The following RTN4RL2 variants were observed in gnomAD, a reference collection of about 807,000 sequenced individuals.
The protein encoded by RTN4RL2 is reticulon-4 receptor-like 2.
In RTN4RL2, 9 loss-of-function variants were observed where a neutral mutation model predicts 27.8. The ratio of observed to expected loss-of-function variants is 0.32; its 90% CI spans 0.20 to 0.57. RTN4RL2 has a LOEUF of 0.57. RTN4RL2 is among the 20% of genes least tolerant of loss of function. The probability of loss-of-function intolerance (pLI) is 0.90; values close to 1 mark genes in which losing one functional copy is unlikely to be tolerated. For synonymous variants in RTN4RL2, 285 were observed against 297.9 expected (o/e 0.96, Z 0.45); for missense variants, 436 against 596.8 (o/e 0.73, Z 2.81).
chr11:57,476,967 G>C lies in RTN4RL2; in HGVS notation c.*56G>C. The C allele has an allele frequency of 6.7e-7, 1 of 1,486,270 alleles. No homozygotes were observed. Among genetic ancestry groups the C allele is most frequent in the Admixed American group, 2.2e-5 (1 of 45,216 alleles). 92.1% of individuals were successfully genotyped at this position (1,486,270 alleles called of 1,614,324 possible). A position where few individuals can be genotyped will look rare whatever the true frequency, so the allele number is the denominator to read the frequency against. ...CCGATCCCCGCTTCCCGTCCACCCG[G>C]GGCTGCGGCTCCGGCCCCAGTCGCC... is the stretch of plus-strand genomic sequence containing the variant. On this transcript the variant is annotated 3_prime_UTR_variant, in exon 3 of 3. Transcript: ENST00000335099. This position sits in a 1 kb window ranked among gnomAD's most constrained non-coding sequence, Gnocchi z 8.2.
At chr11:57,468,166 G>GGCGT in intron 2 of RTN4RL2, 76 bp downstream of exon 2, 1 of 1,473,380 alleles carries the variant, frequency 6.8e-7, no homozygotes, top group Admixed American at 2.1e-5. Context: ...CCCCGACCCT[G>GGCGT]GCGTGCGTCC....
chr11:57,462,590 A>G (rs1161081099), intron 1 of RTN4RL2, among the ~76,000 whole-genome samples: 2 of 152,102 alleles, frequency 1.3e-5, no homozygotes, highest in Non-Finnish European at 2.9e-5. Flanking sequence ...TCTTCTCCTC[A>G]AGTTCCTTCT....
At position 57,476,257 on chromosome 11, in the gene RTN4RL2, C is replaced by T; in HGVS notation, c.609C>T (p.Gly203=). 6.2e-7 allele frequency: 1 copy of T among 1,612,554 alleles called. No individual in the cohort carries two copies. Among genetic ancestry groups the T allele is most frequent in the Non-Finnish European group, 8.5e-7 (1 of 1,179,568 alleles). The part of the protein sequence containing the change: ...LLTEHVFRGL[G]SLDRLLLHGN... ...CAGAGCACGTGTTTCGCGGCCTGGG[C>T]AGCCTGGACCGGCTGCTGCTGCACG... Residue 203 remains glycine, a synonymous_variant, in exon 3 of 3, where the codon GGC becomes GGT. Transcript: ENST00000335099. This position sits in a 1 kb window ranked among gnomAD's most constrained non-coding sequence, Gnocchi z 8.2.
At chr11:57,474,569 T>A (rs1374864834) in intron 2 of RTN4RL2, among the ~76,000 whole-genome samples, 2 of 152,180 alleles carry the variant, frequency 1.3e-5, no homozygotes, top group African/African-American at 4.8e-5. Flanking sequence ...TCCTGGAACC[T>A]GCTGACCACA....
At position 57,476,921 on chromosome 11, in the gene RTN4RL2, T is replaced by C. The variant is rs767018509; in HGVS notation, c.*10T>C. 6.4e-7 allele frequency: 1 copy of C among 1,555,902 alleles called. No individual in the cohort carries two copies. The highest frequency in any genetic ancestry group is 1.1e-5 in the South Asian group (1 of 87,606). Reference sequence around the variant, plus strand: ...GCCCCACCACCTCTGACTGCGGTGCTGAGATCGAAGAGGCCAGTGTCCGAT... The same window carrying C: ...GCCCCACCACCTCTGACTGCGGTGCCGAGATCGAAGAGGCCAGTGTCCGAT... On this transcript the variant is annotated 3_prime_UTR_variant, in exon 3 of 3. Transcript: ENST00000335099. The surrounding 1 kb of genome is among the most constrained non-coding windows in gnomAD (Gnocchi z 8.2).
At chr11:57,469,142 C>T (rs1458625938) in intron 2 of RTN4RL2, among the ~76,000 whole-genome samples, 1 of 152,126 alleles carries the variant, frequency 6.6e-6, no homozygotes. Context: ...GCTGATGATG[C>T]TAATGATAAT....
chr11:57,469,753 TCA>T (rs980791124), intron 2 of RTN4RL2, among the ~76,000 whole-genome samples: 2 of 152,182 alleles, frequency 1.3e-5, no homozygotes, highest in African/African-American at 4.8e-5. Flanking sequence ...AAATTGCACC[TCA>T]CAGTTTATGA....
At chr11:57,465,459 G>A (rs1943515465) in intron 1 of RTN4RL2, among the ~76,000 whole-genome samples, 2 of 152,310 alleles carry the variant, frequency 1.3e-5, no homozygotes, top group South Asian at 2.1e-4. Context: ...GGATGTCAGA[G>A]TGCAGAAACA....
intron 2 of RTN4RL2, among the ~76,000 whole-genome samples, chr11:57,471,888 T>C (rs1443349947): frequency 6.6e-6 from 1 of 152,128 alleles, no homozygotes; most frequent in African/African-American, 2.4e-5. Context: ...AGACGAAGTC[T>C]CGCTCTCTTG....
chr11:57,468,317 T>C (rs890472113), intron 2 of RTN4RL2, among the ~76,000 whole-genome samples: 24 of 151,978 alleles, frequency 1.6e-4, no homozygotes, highest in African/African-American at 5.6e-4. Flanking sequence ...GCTGTTCCTC[T>C]CTCTCTCTCT....
chr11:57,474,209 G>C (rs1943581931), intron 2 of RTN4RL2, among the ~76,000 whole-genome samples: 1 of 152,102 alleles, frequency 6.6e-6, no homozygotes, highest in African/African-American at 2.4e-5. Context: ...GTGGCAGCAG[G>C]GGGCGGAGAA....
At chr11:57,470,609 TTAAAATGTAAGGCATTTAGC>T (rs1365653860) in intron 2 of RTN4RL2, among the ~76,000 whole-genome samples, 1 of 145,128 alleles carries the variant, frequency 6.9e-6, no homozygotes, top group African/African-American at 2.9e-5. Context: ...AGCACAAGGA[TTAAAATGTAAGGCATTTAGC>T]ACATATGGGC....
At chr11:57,468,722 C>G in intron 2 of RTN4RL2, 3 of 1,536,052 alleles carry the variant, frequency 2.0e-6, no homozygotes, top group Non-Finnish European at 2.6e-6. Flanking sequence ...GGGAGAAGCC[C>G]ACACCCCTTC....
chr11:57,461,165 C>G (rs1039045247), intron 1 of RTN4RL2, among the ~76,000 whole-genome samples: 12 of 152,124 alleles, frequency 7.9e-5, no homozygotes, highest in African/African-American at 2.4e-4. Context: ...GAGGGAGGCT[C>G]AGGTTCCGCT....
Position 57,467,913 on chromosome 11 carries a change from C to A in RTN4RL2, c.336C>A (p.Asp112Glu), listed in dbSNP as rs559656192. 6.2e-7 allele frequency: 1 copy of A among 1,614,004 alleles called. No homozygotes were observed. The highest frequency in any genetic ancestry group is 1.1e-5 in the South Asian group (1 of 91,088). ...FRHLQALEELDLGDNRHLRSL... is the reference protein window; with the variant it reads ...FRHLQALEELELGDNRHLRSL... ...ACTTGCAAGCCCTGGAGGAGCTGGA[C>A]CTCGGTGACAACCGGCACCTGCGCT... The change falls in exon 2 of 3, where the codon GAC becomes GAA. Residue 112 changes from aspartate (D) to glutamate (E), a missense_variant. By Grantham distance (45) the Asp-to-Glu change is conservative (BLOSUM62 2). This residue lies in a region of RTN4RL2 where 365 missense variants were observed against 530.5 expected (regional missense o/e 0.69). Transcript: ENST00000335099. This position sits in a 1 kb window ranked among gnomAD's most constrained non-coding sequence, Gnocchi z 5.5.
chr11:57,473,759 A>G (rs1026203010), intron 2 of RTN4RL2, among the ~76,000 whole-genome samples: 1 of 152,124 alleles, frequency 6.6e-6, no homozygotes, highest in South Asian at 2.1e-4. Context: ...ATGGACCCCA[A>G]GGCAGAGGCT....
rs1943538759 is a variant in RTN4RL2, at chr11:57,467,989, T to C, written c.412T>C (p.Leu138=). Residue 138 remains leucine, a synonymous_variant, in exon 2 of 3, where the codon TTG becomes CTG. Coordinates refer to ENST00000335099, the MANE Select transcript of RTN4RL2 (RefSeq NM_178570.3). The surrounding 1 kb of genome is among the most constrained non-coding windows in gnomAD (Gnocchi z 5.5). ...CCTGGAGCGGCTGCAGTCGCTGCAT[T>C]TGTACCGCTGCCAGCTCAGCAGCCT... ...QGLERLQSLH[L]YRCQLSSLPG... The C allele has an allele frequency of 1.2e-6, 2 of 1,606,690 alleles. No individual in the cohort carries two copies. Among genetic ancestry groups the C allele is most frequent in the South Asian group, 1.1e-5 (1 of 91,078 alleles).
chr11:57,463,396 G>A (rs1231459579), intron 1 of RTN4RL2, among the ~76,000 whole-genome samples: 1 of 152,176 alleles, frequency 6.6e-6, no homozygotes, highest in Non-Finnish European at 1.5e-5. Flanking sequence ...GGGTGGGGGA[G>A]GCTGCTACAA....
intron 2 of RTN4RL2, among the ~76,000 whole-genome samples, chr11:57,469,915 C>T (rs1293528714): frequency 6.6e-6 from 1 of 152,180 alleles, no homozygotes; most frequent in Non-Finnish European, 1.5e-5. Flanking sequence ...CAACCATTGT[C>T]GGTGTGACCG....
Sources: gnomAD v4.1 joint callset for allele counts (sites outside exome capture counted in the v4.1 genomes callset) on GRCh38, gnomAD v4.1.1 for gene constraint, gnomAD v4.1.1 regional missense constraint, Gnocchi (gnomAD v3.1) non-coding constraint, MANE v1.5 for transcripts, NCBI Gene and HGNC (gene_info 2026-07-23, HGNC 2026-07-21) for gene names.